Variants in MGAT5 observed in about 807,000 individuals in gnomAD.
MGAT5 encodes alpha-1,6-mannosylglycoprotein 6-beta-N-acetylglucosaminyltransferase.
In MGAT5, 30 loss-of-function variants were observed where a neutral mutation model predicts 94.3. The observed-to-expected ratio is 0.32, with a 90% confidence interval of 0.24 to 0.43. The LOEUF (loss-of-function observed/expected upper bound fraction) is 0.43, where lower values mean the gene tolerates loss of function less well. Among genes scored for constraint, MGAT5 ranks in the 20% least tolerant of loss-of-function variants. The pLI is 1.00. For missense variants in MGAT5, 691 were observed against 905.5 expected (o/e 0.76, Z 3.04); for synonymous variants, 310 against 322.9 (o/e 0.96, Z 0.43).
chr2:134,139,510 T>G (rs1686569594), intron 1 of MGAT5, among the ~76,000 whole-genome samples: 1 of 152,148 alleles, frequency 6.6e-6, no homozygotes, highest in Admixed American at 6.5e-5. Flanking sequence ...CAAGCCTTTG[T>G]ACCTCTGTGA....
intron 2 of MGAT5, among the ~76,000 whole-genome samples, chr2:134,302,637 G>C (rs1338715031): frequency 6.6e-6 from 1 of 151,116 alleles, no homozygotes; most frequent in Admixed American, 6.6e-5. Context: ...GCTTTTTTTG[G>C]TAGGGGCTGG....
rs114913968 is a variant in MGAT5, at chr2:134,158,313, G to A, written c.-143+38022G>A. The stretch of plus-strand genomic sequence containing the variant: ...CAAGGGGCGCCTGCAGGCCCATACC[G>A]AGCCACCCTCACCCCCTCTAAGCGC... On this transcript the variant is annotated intron_variant, in intron 1 of 16. Coordinates refer to the MGAT5 transcript ENST00000409645. Among the ~76,000 whole-genome samples, 1,151 of 152,308 alleles carry A rather than the reference G, an allele frequency of 7.6e-3. 11 individuals are homozygous for A. The highest frequency in any genetic ancestry group is 0.025 in the African/African-American group (1,056 of 41,572).
intron 2 of MGAT5, among the ~76,000 whole-genome samples, chr2:134,271,454 GGTTACTTTT>G (rs2105642305): frequency 6.6e-6 from 1 of 152,084 alleles, no homozygotes; most frequent in East Asian, 1.9e-4. Flanking sequence ...TAAGTAACTA[GGTTACTTTT>G]GACATCAGTT....
intron 1 of MGAT5, among the ~76,000 whole-genome samples, chr2:134,203,986 A>G (rs1679917371): frequency 6.6e-6 from 1 of 152,224 alleles, no homozygotes; most frequent in South Asian, 2.1e-4. Flanking sequence ...GGCACAAGCT[A>G]GGAGTTATCA....
intron 1 of MGAT5, among the ~76,000 whole-genome samples, chr2:134,198,473 G>T (rs1679607935): frequency 6.6e-6 from 1 of 152,174 alleles, no homozygotes; most frequent in Non-Finnish European, 1.5e-5. Context: ...GGCTGTTTTG[G>T]CCCATCTGGT....
intron 1 of MGAT5, among the ~76,000 whole-genome samples, chr2:134,265,649 G>A (rs150530450): frequency 3.3e-5 from 5 of 152,208 alleles, no homozygotes; most frequent in African/African-American, 1.2e-4. Flanking sequence ...GTAATGTTGG[G>A]ATTAAATTTT....
chr2:134,139,096 G>GT (rs1336334506), intron 1 of MGAT5, among the ~76,000 whole-genome samples: 7 of 152,162 alleles, frequency 4.6e-5, no homozygotes. Context: ...TAGGCGAAAG[G>GT]TTTTTTTGGC....
At chr2:134,171,686 G>A (rs954166819) in intron 1 of MGAT5, among the ~76,000 whole-genome samples, 1 of 152,146 alleles carries the variant, frequency 6.6e-6, no homozygotes, top group Non-Finnish European at 1.5e-5. Flanking sequence ...GTTTGCAATG[G>A]ATCAAGTCCT....
At chr2:134,272,050 T>C (rs969851019) in intron 2 of MGAT5, among the ~76,000 whole-genome samples, 8 of 152,250 alleles carry the variant, frequency 5.3e-5, no homozygotes, top group Non-Finnish European at 2.9e-5. Flanking sequence ...TAAACACATC[T>C]GCTGTCATTC....
At position 134,381,486 on chromosome 2, in the gene MGAT5, TAGAC is replaced by T. The variant is rs1301242154; in HGVS notation, c.1380+19083_1380+19086del. On this transcript the variant is annotated intron_variant, in intron 10 of 15. Transcript: ENST00000281923. The stretch of plus-strand genomic sequence containing the variant: ...GTAGGTAGGTAGGTAGGTAGAGAAA[TAGAC>T]AGACCAGACAGACAGACAGACCAGA... Among the ~76,000 whole-genome samples, 26 of 123,068 alleles carry T rather than the reference TAGAC, an allele frequency of 2.1e-4. No individual in the cohort carries two copies. The East Asian group carries it at 2.1e-3, about 10-fold the overall frequency. The allele number at this position is 123,068 out of a possible 152,430, so 80.7% of individuals were successfully genotyped here.
At chr2:134,166,467 T>G (rs1008190979) in intron 1 of MGAT5, among the ~76,000 whole-genome samples, 7 of 152,264 alleles carry the variant, frequency 4.6e-5, no homozygotes, top group African/African-American at 1.7e-4. Flanking sequence ...GCCAATTCCA[T>G]TGTTTCCTTA....
chr2:134,448,910 C>T lies in MGAT5; in HGVS notation c.*63C>T, dbSNP rs1409815720. On this transcript the variant is annotated 3_prime_UTR_variant, in exon 16 of 16. Coordinates refer to ENST00000281923, the MANE Select transcript of MGAT5 (RefSeq NM_002410.5). Reference sequence around the variant, plus strand: ...AGACAGTGGCCCCAGCCCCGTCAGGCAGGGCCAGGGACAGAAGTCATGCAG... The same window carrying T: ...AGACAGTGGCCCCAGCCCCGTCAGGTAGGGCCAGGGACAGAAGTCATGCAG... 5 of 1,522,128 alleles carry T rather than the reference C, an allele frequency of 3.3e-6. No homozygotes were observed. The highest frequency in any genetic ancestry group is 4.5e-6 in the Non-Finnish European group (5 of 1,114,200). The allele number at this position is 1,522,128 out of a possible 1,614,324, so 94.3% of individuals were successfully genotyped here.
At chr2:134,339,066 A>G (rs975750814) in intron 6 of MGAT5, among the ~76,000 whole-genome samples, 1 of 152,204 alleles carries the variant, frequency 6.6e-6, no homozygotes, top group Non-Finnish European at 1.5e-5. Context: ...TAAAAAACTT[A>G]AAAATGAGTT....
At chr2:134,144,910 T>G (rs1051482779) in intron 1 of MGAT5, among the ~76,000 whole-genome samples, 1 of 151,874 alleles carries the variant, frequency 6.6e-6, no homozygotes, top group Admixed American at 6.6e-5. Context: ...AAACAAGGGG[T>G]CTCCTCCAAT....
At chr2:134,279,041 C>G (rs571076641) in intron 2 of MGAT5, among the ~76,000 whole-genome samples, 17 of 152,256 alleles carry the variant, frequency 1.1e-4, no homozygotes, top group African/African-American at 3.9e-4. Flanking sequence ...TCATATTTTT[C>G]TTTTCAGTTC....
Position 134,317,584 on chromosome 2 carries a change from T to C in MGAT5, c.462T>C (p.Pro154=). ...TATTGCCTCCTATGGACGGCTACCC[T>C]CACTGTGAGGGAAAGATCAAGGTAA... The part of the protein sequence containing the change: ...KCVLPPMDGY[P]HCEGKIKWMK... Residue 154 remains proline (P), a synonymous_variant, in exon 3 of 16, where the codon CCT becomes CCC. Coordinates refer to ENST00000281923, the MANE Select transcript of MGAT5 (RefSeq NM_002410.5). The C allele has an allele frequency of 6.4e-7, 1 of 1,570,234 alleles. No individual in the cohort carries two copies. Among genetic ancestry groups the C allele is most frequent in the Non-Finnish European group, 8.6e-7 (1 of 1,160,150 alleles).
rs4954119 is a variant in MGAT5 at position 134,238,613 on chromosome 2, C to T, written c.-142-15649C>T. Among the ~76,000 whole-genome samples the T allele has an allele frequency of 6.6e-5, 10 of 152,186 alleles. 1 individual carries two copies. In the South Asian group the frequency reaches 2.1e-3, roughly 32 times the overall value. ...GTGGTGTCATTGTGCGATGCTTCCA[C>T]GCAGTTCTGAGATATATAAGGCTGT... On this transcript the variant is annotated intron_variant, in intron 1 of 16. Transcript: ENST00000409645.
rs1404558911 is a variant in MGAT5 at position 134,450,184 on chromosome 2, T to G, written c.*1337T>G. On this transcript the variant is annotated 3_prime_UTR_variant, in exon 16 of 16. Coordinates refer to ENST00000281923, the MANE Select transcript of MGAT5 (RefSeq NM_002410.5). ...ATTGCTGCCATGCTCTGTACAAGTTTGTAAGTTTCTGAAAAGCCCCTGACA... is the reference window on the plus strand; with the variant it reads ...ATTGCTGCCATGCTCTGTACAAGTTGGTAAGTTTCTGAAAAGCCCCTGACA... 2.6e-5 allele frequency: 4 copies of G among 152,236 alleles called. No homozygotes were observed. Among genetic ancestry groups the G allele is most frequent in the Non-Finnish European group, 4.4e-5 (3 of 68,086 alleles). 9.4% of individuals were successfully genotyped at this position (152,236 alleles called of 1,614,324 possible). A position where few individuals can be genotyped will look rare whatever the true frequency, so the allele number is the denominator to read the frequency against.
intron 4 of MGAT5, among the ~76,000 whole-genome samples, chr2:134,327,605 A>G (rs1264317430): frequency 6.6e-6 from 1 of 152,048 alleles, no homozygotes; most frequent in Non-Finnish European, 1.5e-5. Flanking sequence ...TACTAAGAGC[A>G]TTGCGCAATT....
Sources: gnomAD v4.1 joint callset for allele counts (sites outside exome capture counted in the v4.1 genomes callset) on GRCh38, gnomAD v4.1.1 for gene constraint, MANE v1.5 for transcripts, NCBI Gene and HGNC (gene_info 2026-07-23, HGNC 2026-07-21) for gene names.